Variants in EMID1 observed in about 807,000 individuals in gnomAD.
EMID1 encodes EMI domain-containing protein 1.
A neutral mutation model predicts 60.6 loss-of-function variants in EMID1; 40 were observed. The ratio of observed to expected loss-of-function variants is 0.66; its 90% CI spans 0.51 to 0.86. The LOEUF is 0.86. EMID1 is among the 40% of genes least tolerant of loss of function. EMID1 has a pLI of 0.00. For missense variants in EMID1, 585 were observed against 597.1 expected, an observed-to-expected ratio of 0.98 and a Z score of 0.21; for synonymous variants, 242 against 231.0, an observed-to-expected ratio of 1.05 and a Z score of -0.43.
Position 29,234,154 on chromosome 22 carries a change from T to G in EMID1, c.984T>G (p.Thr328=). The G allele has an allele frequency of 1.3e-6, 2 of 1,596,738 alleles. No individual in the cohort carries two copies. Among genetic ancestry groups the G allele is most frequent in the Non-Finnish European group, 1.7e-6 (2 of 1,171,160 alleles). ...TTGCTCAGGGACCCCCAGGCCCCAC[T>G]GGACCCAAAGGAATCTCTGGCCACC... ...SPGHIGPPGP[T]GPKGISGHPG... Residue 328 remains threonine (T), a synonymous_variant, in exon 11 of 15, where the codon ACT becomes ACG. Transcript: ENST00000334018.
chr22:29,258,729 G>T, intron 14 of EMID1, 88 bp from the exon 15 acceptor site: 1 of 1,536,258 alleles, frequency 6.5e-7, no homozygotes, highest in Non-Finnish European at 8.7e-7. Flanking sequence ...AGCGTGCCCG[G>T]TTCTGCCACC....
intron 5 of EMID1, among the ~76,000 whole-genome samples, chr22:29,226,999 C>T (rs1403475369): frequency 6.6e-6 from 1 of 152,102 alleles, no homozygotes. Flanking sequence ...CTCTATCCCC[C>T]CAACCCCCAT....
In EMID1 at chr22:29,234,347, C is replaced by T. The variant is rs555189316; in HGVS notation, c.1072C>T (p.Arg358Trp). The T allele has an allele frequency of 8.7e-6, 14 of 1,613,544 alleles. No individual in the cohort carries two copies. The highest frequency in any genetic ancestry group is 2.2e-5 in the East Asian group (1 of 44,898). ...EPGPQGSAGQ[R>W]GEPGPKGDPG... The stretch of plus-strand genomic sequence containing the variant: ...TGGCCCCCAAGGCTCTGCTGGGCAG[C>T]GGGTAAGTGTTGCTGTCTGTCCCGC... Residue 358 changes from arginine (R) to tryptophan (W), a missense_variant and splice_region_variant, in exon 12 of 15, where the codon CGG becomes TGG. Physicochemically the swap from Arg to Trp is moderately radical, Grantham distance 101. Coordinates refer to ENST00000334018, the MANE Select transcript of EMID1 (RefSeq NM_133455.4).
intron 13 of EMID1, among the ~76,000 whole-genome samples, chr22:29,243,960 G>T (rs139426577): frequency 4.4e-4 from 67 of 152,288 alleles, no homozygotes; most frequent in African/African-American, 1.6e-3. Flanking sequence ...AAATGATGAG[G>T]TACATAGGAG....
intron 3 of EMID1, among the ~76,000 whole-genome samples, 174 bp from the exon 4 acceptor site, chr22:29,224,959 G>T (rs1209670751): frequency 6.6e-6 from 1 of 152,194 alleles, no homozygotes; most frequent in Admixed American, 6.5e-5. Context: ...GGCCAGCCTT[G>T]CTCTAGCTCA....
intron 1 of EMID1, among the ~76,000 whole-genome samples, chr22:29,212,815 T>G (rs564378747): frequency 5.2e-4 from 79 of 152,300 alleles, no homozygotes; most frequent in Non-Finnish European, 8.1e-4. Flanking sequence ...TCCACCCATC[T>G]CGGCCTGCCA....
chr22:29,247,892 A>T (rs375341900), intron 13 of EMID1, among the ~76,000 whole-genome samples: 3 of 151,322 alleles, frequency 2.0e-5, no homozygotes, highest in East Asian at 1.9e-4. Context: ...CAGCCTCCCA[A>T]AGTGCTGGAA....
rs779380619 is a variant in EMID1 at position 29,234,335 on chromosome 22, T to A, written c.1060T>A (p.Ser354Thr). 1 of 1,614,006 alleles carries A rather than the reference T, an allele frequency of 6.2e-7. No homozygotes were observed. ...GLRGEPGPQG[S>T]AGQRGEPGPK... The stretch of plus-strand genomic sequence containing the variant: ...GCGTGGGGAGCCTGGCCCCCAAGGC[T>A]CTGCTGGGCAGCGGGTAAGTGTTGC... The change falls in exon 12 of 15, where the codon TCT becomes ACT. Residue 354 changes from serine to threonine, a missense_variant. By Grantham distance (58) the Ser-to-Thr change is moderately conservative. Coordinates refer to ENST00000334018, the MANE Select transcript of EMID1 (RefSeq NM_133455.4).
chr22:29,250,432 T>G (rs1001411951), intron 13 of EMID1, among the ~76,000 whole-genome samples: 3 of 152,258 alleles, frequency 2.0e-5, no homozygotes, highest in African/African-American at 7.2e-5. Flanking sequence ...TTCTTCATGA[T>G]GAGATGCAGG....
At position 29,233,175 on chromosome 22, in the gene EMID1, T is replaced by A. The variant is rs2040817121; in HGVS notation, c.824-204T>A. 4 of 623,498 alleles carry A rather than the reference T, an allele frequency of 6.4e-6. No individual in the cohort carries two copies. In the South Asian group the frequency reaches 7.7e-5, roughly 12 times the overall value. The allele number at this position is 623,498 out of a possible 1,614,324, so 38.6% of individuals were successfully genotyped here. ...TGTCACCAGCTGGATTGCAGTGGGG[T>A]TAGAACCCACATCTCCCTGCCTCCT... On this transcript the variant is annotated intron_variant, in intron 8 of 14. Transcript: ENST00000334018.
chr22:29,242,758 G>A (rs1021096493), intron 12 of EMID1, among the ~76,000 whole-genome samples: 1 of 152,130 alleles, frequency 6.6e-6, no homozygotes, highest in African/African-American at 2.4e-5. Context: ...TTAGTCCTAG[G>A]AAAAATCCCT....
chr22:29,229,151 G>A lies in EMID1; in HGVS notation c.466-1869G>A, dbSNP rs537139523. 2.0e-5 allele frequency among the ~76,000 whole-genome samples: 3 copies of A among 152,046 alleles called. No individual in the cohort carries two copies. The East Asian group carries it at 5.8e-4, about 30-fold the overall frequency. ...GAGGCCTGGAGCCCGAGACCAGCCT[G>A]GGCAACATAGCAAGACTCCATCTCT... On this transcript the variant is annotated intron_variant, in intron 5 of 14. Coordinates refer to ENST00000334018, the MANE Select transcript of EMID1 (RefSeq NM_133455.4).
At position 29,225,111 on chromosome 22, in the gene EMID1, GCT is replaced by G. The variant is rs773428109; in HGVS notation, c.320-18_320-17del. ...GAGGCAAGGATCACATGCCAGCAGG[GCT>G]CTCACCCTCCATCCCTTAGTTGCAG... On this transcript the variant is annotated intron_variant, in intron 3 of 14. Coordinates refer to ENST00000334018, the MANE Select transcript of EMID1 (RefSeq NM_133455.4). The G allele has an allele frequency of 3.1e-6, 5 of 1,612,630 alleles. No homozygotes were observed. The highest frequency in any genetic ancestry group is 3.3e-5 in the Admixed American group (2 of 59,994).
intron 10 of EMID1, 135 bp from the exon 11 acceptor site, chr22:29,234,002 G>A (rs141558172): frequency 3.7e-4 from 338 of 912,754 alleles, no homozygotes; most frequent in Non-Finnish European, 4.0e-4. Context: ...AACTGACTGC[G>A]GTGTGCTGGG....
intron 10 of EMID1, 75 bp from the exon 11 acceptor site, chr22:29,234,062 A>G: frequency 6.5e-7 from 1 of 1,528,480 alleles, no homozygotes; most frequent in Non-Finnish European, 8.8e-7. Flanking sequence ...CGCCCTCCCC[A>G]ACACCTCTGT....
At chr22:29,245,239 G>C (rs1321605209) in intron 13 of EMID1, among the ~76,000 whole-genome samples, 1 of 152,170 alleles carries the variant, frequency 6.6e-6, no homozygotes, top group Non-Finnish European at 1.5e-5. Flanking sequence ...GCTGAGCTGG[G>C]ATCAGATAGA....
chr22:29,249,407 C>T (rs563927755), intron 13 of EMID1, among the ~76,000 whole-genome samples: 2 of 152,076 alleles, frequency 1.3e-5, no homozygotes, highest in Non-Finnish European at 2.9e-5. Context: ...GTTGGGATTA[C>T]AGGCGTGCAC....
In EMID1 at chr22:29,215,562, T is replaced by A. The variant is rs1568970237; in HGVS notation, c.251T>A (p.Met84Lys). The A allele has an allele frequency of 1.9e-6, 3 of 1,614,036 alleles. No individual in the cohort carries two copies. In the East Asian group the frequency reaches 6.7e-5, roughly 36 times the overall value. Residue 84 changes from methionine (M) to lysine (K), a missense_variant, in exon 3 of 15, where the codon ATG becomes AAG. By Grantham distance (95) the Met-to-Lys change is moderately conservative (BLOSUM62 -1). Coordinates refer to ENST00000334018, the MANE Select transcript of EMID1 (RefSeq NM_133455.4). ...GTGGTGAGACCCACATACAAGGTGA[T>A]GTACAAGATAGTGACCGCCCGTGAG... ...RTVVRPTYKVMYKIVTAREWR... is the reference protein window; with the variant it reads ...RTVVRPTYKVKYKIVTAREWR...
At chr22:29,218,270 C>T (rs539983669) in intron 3 of EMID1, among the ~76,000 whole-genome samples, 15 of 152,368 alleles carry the variant, frequency 9.8e-5, no homozygotes, top group African/African-American at 3.1e-4. Flanking sequence ...AAGAAACGGA[C>T]CTTGAGTCTC....
Sources: gnomAD v4.1 joint callset for allele counts (sites outside exome capture counted in the v4.1 genomes callset) on GRCh38, gnomAD v4.1.1 for gene constraint, MANE v1.5 for transcripts, NCBI Gene and HGNC (gene_info 2026-07-23, HGNC 2026-07-21) for gene names.